RIC8B: variants seen among roughly 807,000 people sequenced by gnomAD.
The protein encoded by RIC8B is chaperone Ric-8B.
A neutral mutation model predicts 57.5 loss-of-function variants in RIC8B; 16 were observed. That is an observed-to-expected ratio of 0.28 (90% CI 0.19 to 0.42). The LOEUF (loss-of-function observed/expected upper bound fraction) is 0.42. Ranked by LOEUF, RIC8B falls within the 10% of genes least tolerant of loss-of-function variation. The pLI, the probability that RIC8B is intolerant of heterozygous loss-of-function variation, is 1.00. For missense variants in RIC8B, 481 were observed against 677.0 expected (o/e 0.71, Z 3.21); for synonymous variants, 216 against 250.8 (o/e 0.86, Z 1.31).
Position 106,779,942 on chromosome 12 carries a change from TCTTG to T in RIC8B, c.85-4054_85-4051del, listed in dbSNP as rs1305728750. Among the ~76,000 whole-genome samples the T allele has an allele frequency of 2.1e-5, 3 of 144,132 alleles. No homozygotes were observed. The East Asian group carries it at 6.2e-4, about 30-fold the overall frequency. 94.6% of individuals were successfully genotyped at this position (144,132 alleles called of 152,430 possible). A position where few individuals can be genotyped will look rare whatever the true frequency, so the allele number is the denominator to read the frequency against. ...GGTCTCACCATGTTGCCTAGGCTGG[TCTTG>T]AACTTCTGGGCCTCAGCCTCCCAAA... On this transcript the variant is annotated intron_variant, in intron 1 of 9. Coordinates refer to ENST00000392837, the MANE Select transcript of RIC8B (RefSeq NM_001330145.2).
At chr12:106,881,190 G>A (rs761325138) in intron 9 of RIC8B, among the ~76,000 whole-genome samples, 14 of 151,096 alleles carry the variant, frequency 9.3e-5, no homozygotes, top group Non-Finnish European at 4.4e-5. Flanking sequence ...TGTAATGACA[G>A]TTATTTTTAA....
chr12:106,834,710 G>A (rs940361826), intron 4 of RIC8B, among the ~76,000 whole-genome samples: 1 of 152,070 alleles, frequency 6.6e-6, no homozygotes, highest in South Asian at 2.1e-4. Flanking sequence ...TCGGCCGGGT[G>A]TAGTGGCTCA....
chr12:106,844,028 CAAT>C, intron 6 of RIC8B, 81 bp downstream of exon 6: 1 of 987,492 alleles, frequency 1.0e-6, no homozygotes, highest in Non-Finnish European at 1.6e-6. Flanking sequence ...AATTTTCTCA[CAAT>C]GATTTTGTTT....
At chr12:106,880,535 T>A (rs1950876355) in intron 9 of RIC8B, among the ~76,000 whole-genome samples, 1 of 152,078 alleles carries the variant, frequency 6.6e-6, no homozygotes, top group Admixed American at 6.6e-5. Context: ...AGAATCTAGG[T>A]CTTCTGATGC....
intron 4 of RIC8B, among the ~76,000 whole-genome samples, chr12:106,839,724 A>T (rs1306723292): frequency 6.6e-6 from 1 of 152,198 alleles, no homozygotes; most frequent in African/African-American, 2.4e-5. Flanking sequence ...CTTTTCAAAG[A>T]TTTTGAGGGG....
intron 2 of RIC8B, among the ~76,000 whole-genome samples, chr12:106,799,281 T>G (rs185756782): frequency 2.6e-4 from 39 of 152,354 alleles, no homozygotes; most frequent in African/African-American, 8.9e-4. Flanking sequence ...TAACGTTTCT[T>G]GATCTGTTTG....
chr12:106,785,632 A>G (rs913869923), intron 2 of RIC8B, among the ~76,000 whole-genome samples: 9 of 152,148 alleles, frequency 5.9e-5, no homozygotes, highest in Admixed American at 5.2e-4. Context: ...GATTTGAACA[A>G]TGTAACCAAG....
At position 106,886,081 on chromosome 12, in the gene RIC8B, T is replaced by C. The variant is rs1198791732; in HGVS notation, c.*66T>C. ...TCTTTTCTCTGTAGCTCCAGGGGAA[T>C]CTTTTCTCTAAAACATTTATGCCCT... On this transcript the variant is annotated 3_prime_UTR_variant, in exon 10 of 10. Transcript: ENST00000392837. 8.9e-7 allele frequency: 1 copy of C among 1,126,924 alleles called. No homozygotes were observed. Among genetic ancestry groups the C allele is most frequent in the Non-Finnish European group, 1.3e-6 (1 of 747,404 alleles). 69.8% of individuals were successfully genotyped at this position (1,126,924 alleles called of 1,614,324 possible).
intron 2 of RIC8B, among the ~76,000 whole-genome samples, chr12:106,806,394 A>C (rs533445559): frequency 9.2e-5 from 14 of 151,850 alleles, no homozygotes; most frequent in Non-Finnish European, 1.0e-4. Context: ...CACACTCCTA[A>C]ATTTCCTCTT....
Position 106,774,839 on chromosome 12 carries a change from C to A in RIC8B, c.84+10C>A. 1.3e-6 allele frequency: 2 copies of A among 1,549,526 alleles called. No individual in the cohort carries two copies. The highest frequency in any genetic ancestry group is 1.2e-5 in the South Asian group (1 of 83,998). On this transcript the variant is annotated intron_variant, in intron 1 of 9. Coordinates refer to ENST00000392837, the MANE Select transcript of RIC8B (RefSeq NM_001330145.2). Reference sequence around the variant, plus strand: ...GGATTACAGCGACAAGGTAAAGAGTCCTGGCCCCGGGCGTGCGGTATCGCA... The same window carrying A: ...GGATTACAGCGACAAGGTAAAGAGTACTGGCCCCGGGCGTGCGGTATCGCA...
intron 7 of RIC8B, among the ~76,000 whole-genome samples, chr12:106,857,735 G>A (rs1949765896): frequency 6.6e-6 from 1 of 152,054 alleles, no homozygotes; most frequent in African/African-American, 2.4e-5. Context: ...TACTTTCCCA[G>A]TATCAAATAG....
At chr12:106,783,934 C>T (rs1204803018) in intron 1 of RIC8B, 63 bp from the exon 2 acceptor site, 22 of 1,498,666 alleles carry the variant, frequency 1.5e-5, no homozygotes, top group Non-Finnish European at 1.9e-5. Context: ...TGCTATTAAA[C>T]GTAGCCAAAA....
rs756256635 is a variant in RIC8B at position 106,885,975 on chromosome 12, A to G, written c.1643A>G (p.Gln548Arg). ...TITPLEEALN[Q>R]YSVIEETSSD... is the part of the protein sequence containing the mutation. ...ACGCCTTTGGAGGAAGCACTCAACC[A>G]GTACTCTGTCATCGAAGAGACCAGC... is the stretch of plus-strand genomic sequence containing the variant. Residue 548 changes from glutamine (Q) to arginine (R), a missense_variant, in exon 10 of 10, where the codon CAG (glutamine) becomes CGG (arginine). Gln to Arg is a conservative substitution (Grantham distance 43). Around this residue, in one of 3 missense-constraint regions of RIC8B, gnomAD observed 17 missense variants for 16.3 expected, o/e 1.05. Coordinates refer to ENST00000392837, the MANE Select transcript of RIC8B (RefSeq NM_001330145.2). The G allele has an allele frequency of 2.2e-5, 36 of 1,613,758 alleles. No individual in the cohort carries two copies. In the South Asian group the frequency reaches 3.6e-4, roughly 16 times the overall value.
chr12:106,879,701 C>G lies in RIC8B; in HGVS notation c.1572-6203C>G. ...ACGTGCTTTATCTGTGTCCTCTTGC[C>G]TGGCCAAGCCCTTGTAGATTATGGT... On this transcript the variant is annotated intron_variant, in intron 9 of 9. Coordinates refer to ENST00000392837, the MANE Select transcript of RIC8B (RefSeq NM_001330145.2). This position sits in a 1 kb window ranked among gnomAD's most constrained non-coding sequence, Gnocchi z 4.9. The G allele has an allele frequency of 2.0e-6, 2 of 985,382 alleles. No individual in the cohort carries two copies. Among genetic ancestry groups the G allele is most frequent in the Non-Finnish European group, 2.4e-6 (2 of 829,924 alleles). The allele number at this position is 985,382 out of a possible 1,614,324, so 61.0% of individuals were successfully genotyped here.
intron 4 of RIC8B, among the ~76,000 whole-genome samples, chr12:106,826,517 T>C (rs767096223): frequency 6.6e-6 from 1 of 150,706 alleles, no homozygotes; most frequent in East Asian, 2.0e-4. Flanking sequence ...ACTTTGGGAG[T>C]CCAAGGCCGG....
At chr12:106,854,782 C>T (rs1051243754) in intron 7 of RIC8B, among the ~76,000 whole-genome samples, 5 of 151,628 alleles carry the variant, frequency 3.3e-5, no homozygotes, top group Non-Finnish European at 7.4e-5. Context: ...AGCAAGACTC[C>T]GTCTCAAAAA....
chr12:106,822,077 C>CAAAAAAAAAA (rs67378158), intron 3 of RIC8B, among the ~76,000 whole-genome samples: 6 of 38,040 alleles, frequency 1.6e-4, no homozygotes, highest in Non-Finnish European at 1.8e-4. Context: ...GACTCCATCT[C>CAAAAAAAAAA]AAAAAAAAAA....
intron 9 of RIC8B, among the ~76,000 whole-genome samples, chr12:106,872,525 G>T (rs774346732): frequency 6.6e-6 from 1 of 152,016 alleles, no homozygotes; most frequent in Non-Finnish European, 1.5e-5. Flanking sequence ...AAATTTAGCC[G>T]GGTGTGGTGG....
intron 7 of RIC8B, among the ~76,000 whole-genome samples, chr12:106,855,366 C>T (rs1949676396): frequency 6.6e-6 from 1 of 152,138 alleles, no homozygotes; most frequent in Admixed American, 6.5e-5. Flanking sequence ...TTTGAACTCG[C>T]CCTATGTGCT....
Sources: allele counts gnomAD v4.1 joint callset (sites outside exome capture counted in the v4.1 genomes callset), GRCh38; gene constraint gnomAD v4.1.1; regional missense constraint gnomAD v4.1.1; non-coding constraint Gnocchi (gnomAD v3.1); transcripts MANE v1.5; gene names NCBI Gene and HGNC (gene_info 2026-07-23, HGNC 2026-07-21).